DNAH7: variants seen among roughly 807,000 people sequenced by gnomAD.
The protein encoded by DNAH7 is dynein axonemal heavy chain 7, also known as axonemal beta dynein heavy chain 7.
A neutral mutation model predicts 444.6 loss-of-function variants in DNAH7; 397 were observed. That is an observed-to-expected ratio of 0.89 (90% CI 0.82 to 0.97). The LOEUF (loss-of-function observed/expected upper bound fraction) is 0.97. Ranked by LOEUF, DNAH7 falls within the 50% of genes least tolerant of loss-of-function variation. The pLI, the probability that DNAH7 is intolerant of heterozygous loss-of-function variation, is 0.00. For missense variants in DNAH7, 4,902 were observed against 4,800.8 expected (o/e 1.02, Z -0.62); for synonymous variants, 1,636 against 1,624.4 (o/e 1.01, Z -0.17).
intron 15 of DNAH7, among the ~76,000 whole-genome samples, chr2:195,975,093 C>T (rs887361665): frequency 6.6e-6 from 1 of 152,126 alleles, no homozygotes; most frequent in Non-Finnish European, 1.5e-5. Context: ...CATAGAAATA[C>T]CAACTTTAAC....
At chr2:195,998,806 A>C in intron 12 of DNAH7, 1 of 280,260 alleles carries the variant, frequency 3.6e-6, no homozygotes, top group Non-Finnish European at 6.6e-6. Flanking sequence ...GATATCCAGA[A>C]AACAACTACT....
At chr2:195,853,263 C>T (rs1699493181) in intron 46 of DNAH7, 80 bp downstream of exon 46, 5 of 1,341,154 alleles carry the variant, frequency 3.7e-6, no homozygotes, top group South Asian at 3.8e-5. Flanking sequence ...AAACTGAAAC[C>T]AAAGTAAAAC....
At chr2:195,876,200 G>A (rs948495559) in intron 37 of DNAH7, among the ~76,000 whole-genome samples, 11 of 152,158 alleles carry the variant, frequency 7.2e-5, no homozygotes, top group Non-Finnish European at 1.6e-4. Context: ...GGTGTTCTTT[G>A]CAGAGGAACA....
rs371183223 is a variant in DNAH7, at chr2:195,972,392, G to A, written c.1908C>T (p.Leu636=). 49 of 1,614,028 alleles carry A rather than the reference G, an allele frequency of 3.0e-5. 1 individual carries two copies. The African/African-American group carries it at 4.4e-4, about 14-fold the overall frequency. ...EQRLVDSKNC[L]AFLIEYVNFS... is the part of the protein sequence containing the mutation. ...AGTTGACATACTCGATGAGGAAGGC[G>A]AGGCAGTTTTTGGAATCCACTAATC... Residue 636 remains leucine, a synonymous_variant, in exon 16 of 65, where the codon CTC becomes CTT. Transcript: ENST00000312428.
At chr2:196,034,571 C>A (rs146778991) in intron 5 of DNAH7, among the ~76,000 whole-genome samples, 1 of 152,142 alleles carries the variant, frequency 6.6e-6, no homozygotes, top group Non-Finnish European at 1.5e-5. Flanking sequence ...ACCTAAAACA[C>A]CCAAAATAAT....
At chr2:195,828,619 T>A (rs1310260654) in intron 48 of DNAH7, among the ~76,000 whole-genome samples, 4 of 148,976 alleles carry the variant, frequency 2.7e-5, no homozygotes, top group South Asian at 2.1e-4. Context: ...TATTTTTTTT[T>A]TTTTTTTCTA....
intron 12 of DNAH7, among the ~76,000 whole-genome samples, chr2:195,992,862 C>T (rs1002256689): frequency 1.3e-5 from 2 of 152,228 alleles, no homozygotes; most frequent in Non-Finnish European, 2.9e-5. Flanking sequence ...TCTTCTGCTC[C>T]ATGTTCTACA....
chr2:195,781,165 A>G (rs138345151), intron 58 of DNAH7, among the ~76,000 whole-genome samples: 1 of 152,308 alleles, frequency 6.6e-6, no homozygotes, highest in Non-Finnish European at 1.5e-5. Context: ...TGATACACAC[A>G]CTGCCTGGGC....
intron 5 of DNAH7, among the ~76,000 whole-genome samples, chr2:196,042,744 T>C (rs999256084): frequency 2.6e-5 from 4 of 152,154 alleles, no homozygotes; most frequent in African/African-American, 7.2e-5. Context: ...CATTTGTTGT[T>C]TGTAGGAATA....
intron 58 of DNAH7, among the ~76,000 whole-genome samples, chr2:195,778,515 T>C (rs1189730387): frequency 6.7e-6 from 1 of 148,348 alleles, no homozygotes; most frequent in Non-Finnish European, 1.5e-5. Flanking sequence ...CACATGCCTA[T>C]AGTCCCAGCT....
intron 47 of DNAH7, among the ~76,000 whole-genome samples, chr2:195,835,094 A>G (rs1414899665): frequency 6.6e-6 from 1 of 152,192 alleles, no homozygotes; most frequent in Non-Finnish European, 1.5e-5. Flanking sequence ...AGTATCTGCA[A>G]TTACTGTATG....
At chr2:195,810,204 C>A (rs1284354262) in intron 51 of DNAH7, among the ~76,000 whole-genome samples, 1 of 151,744 alleles carries the variant, frequency 6.6e-6, no homozygotes, top group Non-Finnish European at 1.5e-5. Flanking sequence ...AAAATTTGAC[C>A]TCTTTATAAC....
chr2:196,051,091 T>C, intron 3 of DNAH7, 96 bp downstream of exon 3: 1 of 1,069,304 alleles, frequency 9.4e-7, no homozygotes, highest in Non-Finnish European at 1.4e-6. Flanking sequence ...AAGAATCAAA[T>C]GGAGCAGGAA....
intron 40 of DNAH7, among the ~76,000 whole-genome samples, chr2:195,868,087 ATCT>A (rs1700458174): frequency 1.5e-5 from 2 of 134,606 alleles, no homozygotes; most frequent in Admixed American, 7.5e-5. Flanking sequence ...TCTATTATTC[ATCT>A]TTTTTTTTTT....
chr2:196,066,620 T>C (rs981187178), intron 1 of DNAH7, among the ~76,000 whole-genome samples: 1 of 152,250 alleles, frequency 6.6e-6, no homozygotes, highest in Non-Finnish European at 1.5e-5. Flanking sequence ...ATTTTAAAAA[T>C]GAAATGAGCA....
At chr2:195,778,149 C>T (rs1008342873) in intron 58 of DNAH7, among the ~76,000 whole-genome samples, 164 bp from the exon 59 acceptor site, 1 of 152,178 alleles carries the variant, frequency 6.6e-6, no homozygotes, top group Non-Finnish European at 1.5e-5. Context: ...TTCCCAGGGC[C>T]GTTCACTTCT....
In DNAH7 at chr2:195,771,633, G is replaced by T. The variant is rs534343605; in HGVS notation, c.11433+27C>A. On this transcript the variant is annotated intron_variant, in intron 61 of 64. Coordinates refer to ENST00000312428, the MANE Select transcript of DNAH7 (RefSeq NM_018897.3). Reference sequence around the variant, plus strand: ...TGAATGCTATATATAATTTAATGGGGGTTTTTTTTGGTGTTTTTCACCTTA... The same window carrying T: ...TGAATGCTATATATAATTTAATGGGTGTTTTTTTTGGTGTTTTTCACCTTA... 617 of 1,508,180 alleles carry T rather than the reference G, an allele frequency of 4.1e-4. No homozygotes were observed. In the African/African-American group the frequency reaches 7.2e-3, roughly 18 times the overall value. 93.4% of individuals were successfully genotyped at this position (1,508,180 alleles called of 1,614,324 possible).
chr2:195,959,061 A>AAATTAATT (rs539118244), intron 18 of DNAH7, among the ~76,000 whole-genome samples: 1 of 151,758 alleles, frequency 6.6e-6, no homozygotes, highest in African/African-American at 2.4e-5. Flanking sequence ...ACTCCATCTC[A>AAATTAATT]AATTAATTAA....
chr2:195,809,964 T>C (rs1425683106), intron 51 of DNAH7, 93 bp from the exon 52 acceptor site: 1 of 1,064,050 alleles, frequency 9.4e-7, no homozygotes, highest in African/African-American at 1.7e-5. Context: ...TCTGATAAAC[T>C]TTCTGGTCAA....
Sources: allele counts gnomAD v4.1 joint callset (sites outside exome capture counted in the v4.1 genomes callset), GRCh38; gene constraint gnomAD v4.1.1; transcripts MANE v1.5; gene names NCBI Gene and HGNC (gene_info 2026-07-23, HGNC 2026-07-21).